Variants in PIK3CB observed in about 807,000 individuals in gnomAD.
PIK3CB encodes phosphatidylinositol-4,5-bisphosphate 3-kinase catalytic subunit beta.
A neutral mutation model predicts 136.8 loss-of-function variants in PIK3CB; 39 were observed. The observed-to-expected ratio is 0.29, with a 90% CI of 0.22 to 0.37. The LOEUF (loss-of-function observed/expected upper bound fraction) is 0.37, where lower values mean the gene tolerates loss of function less well. Among genes scored for constraint, PIK3CB ranks in the 10% least tolerant of loss-of-function variants. The pLI, the probability that PIK3CB is intolerant of heterozygous loss-of-function variation, is 1.00. For missense variants in PIK3CB, 868 were observed against 1,275.4 expected (o/e 0.68, Z 4.87); for synonymous variants, 428 against 436.6 (o/e 0.98, Z 0.25).
rs556826777 is a variant in PIK3CB at position 138,730,131 on chromosome 3, A to C, written c.1050+3230T>G. ...ATCCTGCTGGGGAGAAGAAAGAAAAAGAGAACTACAGTGCTAGGTACGGTG... is the reference window on the plus strand; with the variant it reads ...ATCCTGCTGGGGAGAAGAAAGAAAACGAGAACTACAGTGCTAGGTACGGTG... On this transcript the variant is annotated intron_variant, in intron 8 of 23. Transcript: ENST00000674063. 3.3e-5 allele frequency among the ~76,000 whole-genome samples: 5 copies of C among 152,338 alleles called. No individual in the cohort carries two copies. The South Asian group carries it at 1.0e-3, about 32-fold the overall frequency.
At chr3:138,662,124 TTTTTA>T (rs1230565639) in intron 21 of PIK3CB, among the ~76,000 whole-genome samples, 6 of 151,764 alleles carry the variant, frequency 4.0e-5, no homozygotes, top group Admixed American at 6.6e-5. Context: ...TTTTTTTTTT[TTTTTA>T]TTTTAAGTTT....
chr3:138,734,930 A>T lies in PIK3CB; in HGVS notation c.802-126T>A, dbSNP rs564708381. ...AGTATGTCTTAAACCACAGCAGAAT[A>T]TCAAGAAATTAAAAAAAAAAAATTT... On this transcript the variant is annotated intron_variant, in intron 6 of 23. Transcript: ENST00000674063. The T allele has an allele frequency of 1.7e-5, 9 of 538,128 alleles. No homozygotes were observed. The Admixed American group carries it at 3.5e-4, about 21-fold the overall frequency. The allele number at this position is 538,128 out of a possible 1,614,324, so 33.3% of individuals were successfully genotyped here. A position where few individuals can be genotyped will look rare whatever the true frequency, so the allele number is the denominator to read the frequency against.
rs934056757 is a variant in PIK3CB, at chr3:138,655,627, C to T, written c.3076-101G>A. The T allele has an allele frequency of 1.9e-5, 16 of 839,920 alleles. No individual in the cohort carries two copies. The African/African-American group carries it at 2.2e-4, about 11-fold the overall frequency. The allele number at this position is 839,920 out of a possible 1,614,324, so 52.0% of individuals were successfully genotyped here. A position where few individuals can be genotyped will look rare whatever the true frequency, so the allele number is the denominator to read the frequency against. On this transcript the variant is annotated intron_variant, in intron 23 of 23. Transcript: ENST00000674063. Reference sequence around the variant, plus strand: ...TGGATTGGTTGTGCCTCCCCAGCCACCATCAGGCAGCATGCTTCATGTTCT... The same window carrying T: ...TGGATTGGTTGTGCCTCCCCAGCCATCATCAGGCAGCATGCTTCATGTTCT...
intron 1 of PIK3CB, among the ~76,000 whole-genome samples, chr3:138,830,416 GT>G (rs975206050): frequency 6.6e-6 from 1 of 151,998 alleles, no homozygotes; most frequent in Non-Finnish European, 1.5e-5. Flanking sequence ...GCCAGGCGTG[GT>G]AGCGCACGCC....
At chr3:138,794,667 T>A (rs947867007) in intron 2 of PIK3CB, among the ~76,000 whole-genome samples, 2 of 152,150 alleles carry the variant, frequency 1.3e-5, no homozygotes, top group Admixed American at 1.3e-4. Context: ...CTGCTAGGGT[T>A]ACAACAGTGA....
Position 138,708,263 on chromosome 3 carries a change from C to CT in PIK3CB, c.1400-975dup, listed in dbSNP as rs61178842. Among the ~76,000 whole-genome samples the CT allele has an allele frequency of 2.9e-3, 316 of 108,864 alleles. 1 individual carries two copies. The highest frequency in any genetic ancestry group is 4.2e-3 in the African/African-American group (125 of 29,996). 71.4% of individuals were successfully genotyped at this position (108,864 alleles called of 152,430 possible). Reference sequence around the variant, plus strand: ...CTCACGGACTCAATTTTTTCTTTTTCTTTTTTTTTTTTTTTTTTTGAGACA... The same window carrying CT: ...CTCACGGACTCAATTTTTTCTTTTTCTTTTTTTTTTTTTTTTTTTTGAGACA... On this transcript the variant is annotated intron_variant, in intron 10 of 23. Coordinates refer to ENST00000674063, the MANE Select transcript of PIK3CB (RefSeq NM_006219.3).
chr3:138,745,104 C>T (rs2045327098), intron 4 of PIK3CB, among the ~76,000 whole-genome samples: 1 of 152,188 alleles, frequency 6.6e-6, no homozygotes, highest in Non-Finnish European at 1.5e-5. Flanking sequence ...TGAACGATGG[C>T]ATCTTCAGTG....
In PIK3CB at chr3:138,788,980, A is replaced by C. The variant is rs1377758475; in HGVS notation, c.-17+7483T>G. ...ACTTCGTCTCAAAAAAAAAAAAAAAAAAAAAAAAAAAACAAAAAACAACAC... is the reference window on the plus strand; with the variant it reads ...ACTTCGTCTCAAAAAAAAAAAAAAACAAAAAAAAAAAACAAAAAACAACAC... On this transcript the variant is annotated intron_variant, in intron 2 of 23. Coordinates refer to ENST00000674063, the MANE Select transcript of PIK3CB (RefSeq NM_006219.3). Among the ~76,000 whole-genome samples the C allele has an allele frequency of 9.0e-4, 131 of 145,144 alleles. 1 individual carries two copies. Among genetic ancestry groups the C allele is most frequent in the Non-Finnish European group, 1.3e-3 (89 of 66,476 alleles).
At chr3:138,663,746 T>C (rs1185717236) in intron 21 of PIK3CB, among the ~76,000 whole-genome samples, 160 bp downstream of exon 21, 1 of 152,088 alleles carries the variant, frequency 6.6e-6, no homozygotes, top group Non-Finnish European at 1.5e-5. Context: ...ATACATGTAG[T>C]AGACTATATA....
chr3:138,833,707 A>G (rs1403074135), intron 1 of PIK3CB, among the ~76,000 whole-genome samples: 2 of 152,216 alleles, frequency 1.3e-5, no homozygotes, highest in Non-Finnish European at 2.9e-5. Flanking sequence ...ATGCAGAAAA[A>G]AGAGTCTGTT....
chr3:138,833,026 A>T (rs940519291), intron 1 of PIK3CB, among the ~76,000 whole-genome samples: 5 of 150,232 alleles, frequency 3.3e-5, no homozygotes, highest in African/African-American at 7.3e-5. Flanking sequence ...AACAACAATA[A>T]TTTTTTTTTA....
chr3:138,801,410 A>T (rs2046174142), intron 1 of PIK3CB, among the ~76,000 whole-genome samples: 1 of 152,126 alleles, frequency 6.6e-6, no homozygotes, highest in African/African-American at 2.4e-5. Flanking sequence ...AGTTGTAAGA[A>T]TGACAGAATA....
At chr3:138,704,352 G>A in intron 12 of PIK3CB, 91 bp downstream of exon 12, 1 of 879,688 alleles carries the variant, frequency 1.1e-6, no homozygotes, top group African/African-American at 1.7e-5. Context: ...ATGAGTTACG[G>A]TCTTCTGTGA....
chr3:138,740,616 C>A (rs2045223885), intron 5 of PIK3CB, among the ~76,000 whole-genome samples: 1 of 152,070 alleles, frequency 6.6e-6, no homozygotes, highest in African/African-American at 2.4e-5. Flanking sequence ...ATATTTCAAG[C>A]AGTTGTTCAT....
intron 4 of PIK3CB, among the ~76,000 whole-genome samples, chr3:138,750,719 G>A (rs2045454463): frequency 6.6e-6 from 1 of 152,072 alleles, no homozygotes; most frequent in African/African-American, 2.4e-5. Context: ...CCCTTTCTAT[G>A]CCCCCAACTG....
At chr3:138,738,413 C>T (rs373107217) in intron 5 of PIK3CB, among the ~76,000 whole-genome samples, 6 of 152,246 alleles carry the variant, frequency 3.9e-5, no homozygotes, top group East Asian at 3.9e-4. Context: ...CCTTGTGATC[C>T]GCCTGCCTCA....
intron 19 of PIK3CB, among the ~76,000 whole-genome samples, chr3:138,677,650 AC>A (rs1264954862): frequency 6.6e-6 from 1 of 152,158 alleles, no homozygotes; most frequent in Non-Finnish European, 1.5e-5. Flanking sequence ...TAATCCCAAT[AC>A]TTTGGGAGGC....
intron 2 of PIK3CB, among the ~76,000 whole-genome samples, chr3:138,781,566 C>T (rs2045924037): frequency 6.6e-6 from 1 of 151,928 alleles, no homozygotes; most frequent in Non-Finnish European, 1.5e-5. Flanking sequence ...GATTCTCTTG[C>T]CTCAGACTCC....
At chr3:138,759,598 C>G (rs2045633073) in intron 2 of PIK3CB, among the ~76,000 whole-genome samples, 1 of 151,964 alleles carries the variant, frequency 6.6e-6, no homozygotes, top group Admixed American at 6.6e-5. Context: ...CCAATCCATA[C>G]CACCAACTAA....
Sources: allele counts gnomAD v4.1 joint callset (sites outside exome capture counted in the v4.1 genomes callset), GRCh38; gene constraint gnomAD v4.1.1; transcripts MANE v1.5; gene names NCBI Gene and HGNC (gene_info 2026-07-23, HGNC 2026-07-21).